RAB11FIP4: variants seen among roughly 807,000 people sequenced by gnomAD.
RAB11FIP4 encodes rab11 family-interacting protein 4.
RAB11FIP4 carries 23 observed loss-of-function variants against 74.3 expected under a neutral mutation model. The ratio of observed to expected loss-of-function variants is 0.31; its 90% CI spans 0.22 to 0.44. The LOEUF (loss-of-function observed/expected upper bound fraction) is 0.44, where lower values mean the gene tolerates loss of function less well. Ranked by LOEUF, RAB11FIP4 falls within the 20% of genes least tolerant of loss-of-function variation. RAB11FIP4 has a pLI of 1.00. For synonymous variants in RAB11FIP4, 360 were observed against 359.9 expected, an observed-to-expected ratio of 1.00 and a Z score of 0.00; for missense variants, 630 against 863.9, an observed-to-expected ratio of 0.73 and a Z score of 3.39.
At chr17:31,472,505 G>A (rs969548142) in intron 3 of RAB11FIP4, among the ~76,000 whole-genome samples, 4 of 152,202 alleles carry the variant, frequency 2.6e-5, no homozygotes, top group African/African-American at 9.7e-5. Flanking sequence ...AATCCCAGCC[G>A]CACACCAGGG....
intron 3 of RAB11FIP4, among the ~76,000 whole-genome samples, chr17:31,508,856 T>TCAG (rs2072401584): frequency 6.6e-6 from 1 of 152,156 alleles, no homozygotes; most frequent in Non-Finnish European, 1.5e-5. Context: ...CGCTGCCTTA[T>TCAG]CAGCAGTGTG....
intron 1 of RAB11FIP4, among the ~76,000 whole-genome samples, chr17:31,398,283 C>G (rs1000419459): frequency 2.2e-4 from 34 of 152,310 alleles, no homozygotes; most frequent in Middle Eastern, 3.4e-3. Flanking sequence ...TCTGGTGATC[C>G]ACTGCCTGAG....
rs767714544 is a variant in RAB11FIP4 at position 31,431,795 on chromosome 17, C to A, written c.160-18C>A. On this transcript the variant is annotated intron_variant, in intron 1 of 14. Transcript: ENST00000621161. ...GATCCTTGGGTGTCTCACACCTGTC[C>A]CTGCTTCATTCCCACAGGTGGAAAA... The A allele has an allele frequency of 1.0e-5, 16 of 1,592,628 alleles. No individual in the cohort carries two copies. The highest frequency in any genetic ancestry group is 1.3e-5 in the African/African-American group (1 of 74,490).
At chr17:31,403,688 C>T (rs139334577) in intron 1 of RAB11FIP4, among the ~76,000 whole-genome samples, 33 of 152,294 alleles carry the variant, frequency 2.2e-4, no homozygotes, top group African/African-American at 6.7e-4. Context: ...GGTGAAGTGA[C>T]TTGTCCAGGG....
chr17:31,489,354 G>A (rs946279272), intron 3 of RAB11FIP4, among the ~76,000 whole-genome samples: 9 of 152,164 alleles, frequency 5.9e-5, no homozygotes, highest in Non-Finnish European at 1.3e-4. Flanking sequence ...TGGGAAAAAG[G>A]AGACTCAAAG....
At chr17:31,521,893 A>G (rs748831131) in intron 5 of RAB11FIP4, 22 bp from the exon 6 acceptor site, 2 of 1,613,940 alleles carry the variant, frequency 1.2e-6, no homozygotes, top group South Asian at 1.1e-5. Context: ...TAAGGTGGTG[A>G]TTCCTTTCCC....
chr17:31,500,471 G>A (rs543792688), intron 3 of RAB11FIP4, among the ~76,000 whole-genome samples: 19 of 152,202 alleles, frequency 1.2e-4, no homozygotes, highest in Non-Finnish European at 2.5e-4. Flanking sequence ...GTTACTGAGC[G>A]CTGCTGGTCA....
At chr17:31,419,684 G>A (rs1262832252) in intron 1 of RAB11FIP4, among the ~76,000 whole-genome samples, 1 of 151,522 alleles carries the variant, frequency 6.6e-6, no homozygotes, top group Non-Finnish European at 1.5e-5. Flanking sequence ...CCGAGTAGCT[G>A]GGACTACAGG....
chr17:31,492,882 T>A (rs2072037857), intron 3 of RAB11FIP4, among the ~76,000 whole-genome samples: 1 of 151,848 alleles, frequency 6.6e-6, no homozygotes, highest in African/African-American at 2.4e-5. Flanking sequence ...GCTCAGATTC[T>A]CAGAACCCCC....
chr17:31,455,081 A>T (rs1434169037), intron 3 of RAB11FIP4, among the ~76,000 whole-genome samples: 1 of 152,206 alleles, frequency 6.6e-6, no homozygotes, highest in Non-Finnish European at 1.5e-5. Context: ...TGCAAATAAA[A>T]TTGAGCAAAG....
chr17:31,463,964 C>A (rs2071658837), intron 3 of RAB11FIP4, among the ~76,000 whole-genome samples: 1 of 151,290 alleles, frequency 6.6e-6, no homozygotes, highest in African/African-American at 2.4e-5. Flanking sequence ...AGGTGCATGC[C>A]ACCACACTCA....
intron 3 of RAB11FIP4, among the ~76,000 whole-genome samples, chr17:31,498,887 A>C (rs780602424): frequency 5.3e-5 from 8 of 152,154 alleles, no homozygotes; most frequent in African/African-American, 2.4e-5. Context: ...TCCTCTTATC[A>C]TGATGGTAAA....
At chr17:31,409,755 A>G (rs1166866834) in intron 1 of RAB11FIP4, among the ~76,000 whole-genome samples, 1 of 152,156 alleles carries the variant, frequency 6.6e-6, no homozygotes, top group African/African-American at 2.4e-5. Flanking sequence ...CTGGGTTTAT[A>G]GTGTGTAACA....
chr17:31,488,324 T>C, intron 3 of RAB11FIP4: 1 of 1,017,640 alleles, frequency 9.8e-7, no homozygotes, highest in East Asian at 8.1e-5. Context: ...GGCGCGCACC[T>C]GGCTCGGCCC....
intron 3 of RAB11FIP4, among the ~76,000 whole-genome samples, chr17:31,458,520 G>A (rs568040570): frequency 2.0e-5 from 3 of 152,326 alleles, no homozygotes; most frequent in East Asian, 1.9e-4. Flanking sequence ...AGGTGGCACT[G>A]AGCCTGCCAG....
Position 31,394,814 on chromosome 17 carries a change from C to T in RAB11FIP4, c.159+2803C>T, listed in dbSNP as rs931820399. Among the ~76,000 whole-genome samples the T allele has an allele frequency of 4.0e-5, 6 of 151,614 alleles. No individual in the cohort carries two copies. The South Asian group carries it at 1.0e-3, about 26-fold the overall frequency. On this transcript the variant is annotated intron_variant, in intron 1 of 14. Coordinates refer to ENST00000621161, the MANE Select transcript of RAB11FIP4 (RefSeq NM_032932.6). The stretch of plus-strand genomic sequence containing the variant: ...CCGAGGCACTTGTAGGGGTGGTTTT[C>T]GGCTTATGCTGTATTGACCGAGACC...
At position 31,436,782 on chromosome 17, in the gene RAB11FIP4, TTTTTTTTG is replaced by T. The variant is rs1448249223; in HGVS notation, c.336+2668_336+2675del. 3.5e-3 allele frequency among the ~76,000 whole-genome samples: 114 copies of T among 32,512 alleles called. 2 individuals are homozygous for T. Among genetic ancestry groups the T allele is most frequent in the Admixed American group, 0.034 (85 of 2,494 alleles). The allele number at this position is 32,512 out of a possible 152,430, so 21.3% of individuals were successfully genotyped here. A position where few individuals can be genotyped will look rare whatever the true frequency, so the allele number is the denominator to read the frequency against. ...TTTTTTTGTTTTTTTTTGTTTTTTG[TTTTTTTTG>T]TTTTTTTTGTTTTTTGAGACGGCAT... On this transcript the variant is annotated intron_variant, in intron 3 of 14. Transcript: ENST00000621161.
intron 3 of RAB11FIP4, among the ~76,000 whole-genome samples, chr17:31,448,961 G>GTGGT (rs531976356): frequency 1.7e-3 from 261 of 152,232 alleles, no homozygotes; most frequent in African/African-American, 5.4e-3. Flanking sequence ...TTTCAGTGTT[G>GTGGT]TGGTGAGAAT....
At chr17:31,404,512 A>G (rs1322795292) in intron 1 of RAB11FIP4, among the ~76,000 whole-genome samples, 1 of 152,268 alleles carries the variant, frequency 6.6e-6, no homozygotes, top group East Asian at 1.9e-4. Context: ...TCATCTGTAT[A>G]GTGGGGATAA....
Sources: gnomAD v4.1 joint callset for allele counts (sites outside exome capture counted in the v4.1 genomes callset) on GRCh38, gnomAD v4.1.1 for gene constraint, MANE v1.5 for transcripts, NCBI Gene and HGNC (gene_info 2026-07-23, HGNC 2026-07-21) for gene names.